AGR3: variants seen among roughly 807,000 people sequenced by gnomAD.
The protein encoded by AGR3 is anterior gradient protein 3.
AGR3 carries 37 observed loss-of-function variants against 24.5 expected under a neutral mutation model. That is an observed-to-expected ratio of 1.51 (90% CI 1.16 to 1.99). The LOEUF (loss-of-function observed/expected upper bound fraction) is 1.99. Ranked by LOEUF, AGR3 falls within the 30% of genes most tolerant of loss-of-function variation. The probability of loss-of-function intolerance (pLI) is 0.00; values close to 1 mark genes in which losing one functional copy is unlikely to be tolerated. For missense variants in AGR3, 228 were observed against 191.1 expected (o/e 1.19, Z -1.14); for synonymous variants, 75 against 61.6 (o/e 1.22, Z -1.02).
rs75080121 is a variant in AGR3 at position 16,859,517 on chromosome 7, A to G, written c.*65T>C. The G allele has an allele frequency of 4.6e-6, 5 of 1,097,012 alleles. No homozygotes were observed. The Middle Eastern group carries it at 9.5e-4, about 209-fold the overall frequency. The allele number at this position is 1,097,012 out of a possible 1,614,324, so 68.0% of individuals were successfully genotyped here. A position where few individuals can be genotyped will look rare whatever the true frequency, so the allele number is the denominator to read the frequency against. On this transcript the variant is annotated 3_prime_UTR_variant, in exon 8 of 8. Coordinates refer to ENST00000310398, the MANE Select transcript of AGR3 (RefSeq NM_176813.5). ...ATACTTGCACATTTAGTATTTGTCAATGTGCCAGAGGTTTTCTTCATGAAA... is the reference window on the plus strand; with the variant it reads ...ATACTTGCACATTTAGTATTTGTCAGTGTGCCAGAGGTTTTCTTCATGAAA...
intron 3 of AGR3, among the ~76,000 whole-genome samples, chr7:16,863,428 C>A (rs10276990): frequency 0.15 from 22,851 of 151,956 alleles, 2,443 homozygotes; most frequent in East Asian, 0.32. Context: ...TTCCCTATTT[C>A]ATACATTTTT....
intron 3 of AGR3, among the ~76,000 whole-genome samples, chr7:16,868,204 G>A (rs1225399050): frequency 6.6e-6 from 1 of 151,650 alleles, no homozygotes; most frequent in Non-Finnish European, 1.5e-5. Flanking sequence ...TGCCCAGGCT[G>A]GAGTGCAATG....
intron 3 of AGR3, chr7:16,864,157 C>T: frequency 1.6e-6 from 1 of 627,292 alleles, no homozygotes; most frequent in Non-Finnish European, 2.5e-6. Context: ...GGAGAATTAA[C>T]AAACTGTTGT....
Position 16,877,106 on chromosome 7 carries a change from G to A in AGR3, c.109+1404C>T, listed in dbSNP as rs888895834. On this transcript the variant is annotated intron_variant, in intron 2 of 7. Transcript: ENST00000310398. ...TGTTAAACTGAAGTAGAGTTAATTA[G>A]CTTAGGTAAACATTGATGAGCACTT... Among the ~76,000 whole-genome samples the A allele has an allele frequency of 2.6e-5, 4 of 151,744 alleles. No homozygotes were observed. In the East Asian group the frequency reaches 7.7e-4, roughly 29 times the overall value.
chr7:16,872,827 C>T (rs1297360991), intron 3 of AGR3, among the ~76,000 whole-genome samples: 1 of 152,116 alleles, frequency 6.6e-6, no homozygotes, highest in Non-Finnish European at 1.5e-5. Context: ...AGAAGACACA[C>T]AAATGGCCAA....
intron 7 of AGR3, among the ~76,000 whole-genome samples, chr7:16,860,010 T>C (rs1327391769): frequency 1.8e-4 from 28 of 151,892 alleles, no homozygotes; most frequent in South Asian, 1.5e-3. Context: ...AATCCCAGCA[T>C]TTTGGGAGGC....
intron 3 of AGR3, among the ~76,000 whole-genome samples, chr7:16,866,909 G>A (rs542145127): frequency 1.3e-4 from 20 of 152,134 alleles, no homozygotes; most frequent in African/African-American, 4.1e-4. Flanking sequence ...AGAAAATTCC[G>A]TGTAATTGAA....
At chr7:16,865,869 T>G in intron 3 of AGR3, 3 of 733,310 alleles carry the variant, frequency 4.1e-6, no homozygotes, top group Non-Finnish European at 7.6e-6. Context: ...AGCGTTTTTT[T>G]GGTCGTTGTC....
chr7:16,857,697 A>G (rs757311817), downstream of AGR3, among the ~76,000 whole-genome samples: 6 of 152,220 alleles, frequency 3.9e-5, no homozygotes, highest in Non-Finnish European at 8.8e-5. Flanking sequence ...TCTTTTGTAA[A>G]TAAATAGGAT....
chr7:16,865,267 C>G (rs1194278257), intron 3 of AGR3: 1 of 954,022 alleles, frequency 1.0e-6, no homozygotes, highest in Non-Finnish European at 1.7e-6. Context: ...AAGTTGTTTT[C>G]TCCTTTTGAA....
At chr7:16,873,445 T>G in intron 3 of AGR3, 1 of 186,520 alleles carries the variant, frequency 5.4e-6, no homozygotes. Context: ...CTGGGGAGGG[T>G]TCAGAGCTGG....
chr7:16,873,067 A>T (rs1781915187), intron 3 of AGR3, among the ~76,000 whole-genome samples: 1 of 152,158 alleles, frequency 6.6e-6, no homozygotes, highest in Non-Finnish European at 1.5e-5. Flanking sequence ...TAAAAATATA[A>T]CTACCATATG....
At chr7:16,877,862 CAAAA>C (rs67623743) in intron 2 of AGR3, among the ~76,000 whole-genome samples, 3 of 126,370 alleles carry the variant, frequency 2.4e-5, no homozygotes, top group African/African-American at 2.9e-5. Context: ...GACTCCGTCT[CAAAA>C]AAAAAAAAAA....
At chr7:16,870,799 G>GTTGT (rs1373830039) in intron 3 of AGR3, among the ~76,000 whole-genome samples, 2 of 152,006 alleles carry the variant, frequency 1.3e-5, no homozygotes, top group African/African-American at 4.8e-5. Context: ...TTACTAATAT[G>GTTGT]TTGTTTGTTT....
chr7:16,861,561 C>T (rs4236289), intron 5 of AGR3, 114 bp from the exon 6 acceptor site: 828,040 of 837,784 alleles, frequency 0.99, 409,296 homozygotes, highest in East Asian at 1. Flanking sequence ...TAATTCCATA[C>T]AACTTTCTGT....
At chr7:16,865,862 G>A (rs1179907687) in intron 3 of AGR3, 12 of 732,730 alleles carry the variant, frequency 1.6e-5, no homozygotes, top group South Asian at 9.9e-5. Context: ...CTTTGATAGC[G>A]TTTTTTTGGT....
chr7:16,869,870 G>T (rs928812327), intron 3 of AGR3, among the ~76,000 whole-genome samples: 2 of 151,424 alleles, frequency 1.3e-5, no homozygotes, highest in Non-Finnish European at 2.9e-5. Context: ...AATGATTAAG[G>T]CCTAATCCCT....
chr7:16,860,848 T>C (rs1224054316), intron 6 of AGR3, among the ~76,000 whole-genome samples: 1 of 152,206 alleles, frequency 6.6e-6, no homozygotes. Context: ...TTCCTCTCTT[T>C]ATGTCCATGT....
intron 3 of AGR3, among the ~76,000 whole-genome samples, chr7:16,871,578 A>G (rs190164021): frequency 0.011 from 1,615 of 152,242 alleles, 16 homozygotes; most frequent in Middle Eastern, 0.024. Flanking sequence ...CGTGGTGGCT[A>G]ACGCCTGTAA....
Sources: allele counts gnomAD v4.1 joint callset (sites outside exome capture counted in the v4.1 genomes callset), GRCh38; gene constraint gnomAD v4.1.1; transcripts MANE v1.5; gene names NCBI Gene and HGNC (gene_info 2026-07-23, HGNC 2026-07-21).